CAAP1: variants seen among roughly 807,000 people sequenced by gnomAD.
CAAP1 encodes the protein conserved anti-apoptotic protein.
In CAAP1, 20 loss-of-function variants were observed where a neutral mutation model predicts 34.0. That is an observed-to-expected ratio of 0.59 (90% CI 0.41 to 0.86). The LOEUF (loss-of-function observed/expected upper bound fraction) is 0.86, where lower values mean the gene tolerates loss of function less well. Ranked by LOEUF, CAAP1 falls within the 40% of genes least tolerant of loss-of-function variation. The pLI, the probability that CAAP1 is intolerant of heterozygous loss-of-function variation, is 0.00. For synonymous variants in CAAP1, 213 were observed against 166.7 expected (o/e 1.28, Z -2.14); for missense variants, 538 against 450.5 (o/e 1.19, Z -1.76).
chr9:26,888,006 A>T (rs1823794696), intron 1 of CAAP1, among the ~76,000 whole-genome samples: 1 of 152,204 alleles, frequency 6.6e-6, no homozygotes, highest in Non-Finnish European at 1.5e-5. Context: ...AATTTCAGTA[A>T]TTTAAGATAT....
At chr9:26,862,263 G>A (rs749246631) in intron 4 of CAAP1, among the ~76,000 whole-genome samples, 1 of 152,108 alleles carries the variant, frequency 6.6e-6, no homozygotes, top group Non-Finnish European at 1.5e-5. Flanking sequence ...AAGGTTTAAA[G>A]TTAAAATGTG....
intron 4 of CAAP1, among the ~76,000 whole-genome samples, chr9:26,863,977 G>C (rs1677281152): frequency 6.6e-6 from 1 of 151,862 alleles, no homozygotes; most frequent in African/African-American, 2.4e-5. Context: ...AGTAAAGGTG[G>C]TATTTTGCCC....
chr9:26,861,031 A>T, intron 5 of CAAP1, 35 bp downstream of exon 5: 1 of 1,445,670 alleles, frequency 6.9e-7, no homozygotes, highest in African/African-American at 1.4e-5. Flanking sequence ...TTCTTCAGGT[A>T]AATTTTATAC....
intron 4 of CAAP1, among the ~76,000 whole-genome samples, chr9:26,878,636 C>T (rs748797079): frequency 6.6e-6 from 1 of 152,102 alleles, no homozygotes; most frequent in Admixed American, 6.5e-5. Context: ...CCACACAGTT[C>T]TCAGACCTCA....
chr9:26,887,547 T>C (rs1823778087), intron 1 of CAAP1, 34 bp from the exon 2 acceptor site: 3 of 1,279,204 alleles, frequency 2.3e-6, no homozygotes, highest in South Asian at 2.8e-5. Flanking sequence ...CATTAAACAA[T>C]ACTACTTAAA....
intron 4 of CAAP1, among the ~76,000 whole-genome samples, chr9:26,874,096 G>C (rs988430838): frequency 6.6e-6 from 1 of 150,616 alleles, no homozygotes; most frequent in African/African-American, 2.4e-5. Context: ...GGTCCCAGCT[G>C]CTCGGGAGGC....
intron 5 of CAAP1, among the ~76,000 whole-genome samples, chr9:26,854,413 T>C (rs1015057535): frequency 1.3e-5 from 2 of 152,200 alleles, no homozygotes; most frequent in Non-Finnish European, 2.9e-5. Flanking sequence ...AAACATTCTA[T>C]ACTATTTCCC....
chr9:26,880,840 T>C (rs1383672646), intron 4 of CAAP1, among the ~76,000 whole-genome samples: 1 of 152,152 alleles, frequency 6.6e-6, no homozygotes, highest in African/African-American at 2.4e-5. Flanking sequence ...CATGCCTGGC[T>C]AATTTTTGTA....
At chr9:26,848,394 T>C (rs1822666124) in intron 5 of CAAP1, among the ~76,000 whole-genome samples, 1 of 152,116 alleles carries the variant, frequency 6.6e-6, no homozygotes, top group African/African-American at 2.4e-5. Context: ...CAGGCACCTG[T>C]AGTCCCAGAT....
At chr9:26,861,276 T>C (rs1822998205) in intron 4 of CAAP1, 137 bp from the exon 5 acceptor site, 5 of 591,924 alleles carry the variant, frequency 8.4e-6, no homozygotes, top group Non-Finnish European at 1.5e-5. Flanking sequence ...TCATTCAGTG[T>C]ACTCTGGAAG....
At chr9:26,871,923 A>T (rs2131323653) in intron 4 of CAAP1, among the ~76,000 whole-genome samples, 1 of 150,690 alleles carries the variant, frequency 6.6e-6, no homozygotes, top group South Asian at 2.1e-4. Flanking sequence ...CAAAATAAAT[A>T]AATAAATAAA....
intron 5 of CAAP1, among the ~76,000 whole-genome samples, chr9:26,850,665 T>C (rs1048401159): frequency 6.6e-6 from 1 of 152,232 alleles, no homozygotes; most frequent in African/African-American, 2.4e-5. Context: ...ACTTAACGTA[T>C]ACTAAATTAT....
intron 1 of CAAP1, among the ~76,000 whole-genome samples, chr9:26,889,145 G>A (rs1823835311): frequency 6.6e-6 from 1 of 152,200 alleles, no homozygotes; most frequent in Non-Finnish European, 1.5e-5. Flanking sequence ...AGGCCGGCGC[G>A]GTGGCTCACG....
intron 4 of CAAP1, among the ~76,000 whole-genome samples, chr9:26,868,747 T>C (rs1227104396): frequency 2.0e-5 from 3 of 152,176 alleles, no homozygotes; most frequent in Non-Finnish European, 4.4e-5. Flanking sequence ...CAGGACAACT[T>C]ACCTACTTTC....
chr9:26,856,135 G>A (rs971246973), intron 5 of CAAP1, among the ~76,000 whole-genome samples: 1 of 151,106 alleles, frequency 6.6e-6, no homozygotes, highest in Non-Finnish European at 1.5e-5. Flanking sequence ...AAAAGGGGGG[G>A]GGTAGAATTT....
chr9:26,842,799 T>C (rs902770985), intron 5 of CAAP1, 152 bp from the exon 6 acceptor site: 8 of 596,610 alleles, frequency 1.3e-5, no homozygotes, highest in Non-Finnish European at 2.3e-5. Flanking sequence ...TCTTTTCCCC[T>C]GACTCCTCAA....
intron 1 of CAAP1, among the ~76,000 whole-genome samples, chr9:26,890,703 T>C (rs1229213311): frequency 2.6e-5 from 4 of 152,138 alleles, no homozygotes; most frequent in Admixed American, 2.0e-4. Context: ...CCCAGCACTT[T>C]GGGAGGCCGA....
intron 3 of CAAP1, among the ~76,000 whole-genome samples, chr9:26,885,126 G>T (rs1823702116): frequency 6.9e-6 from 1 of 145,454 alleles, no homozygotes; most frequent in East Asian, 2.0e-4. Flanking sequence ...ACCCCGGCTG[G>T]TGTGCAGTGG....
At chr9:26,853,380 A>C (rs1453612678) in intron 5 of CAAP1, among the ~76,000 whole-genome samples, 1 of 152,238 alleles carries the variant, frequency 6.6e-6, no homozygotes, top group Non-Finnish European at 1.5e-5. Flanking sequence ...ATTCAGGCAC[A>C]TGCTAACTTA....
Sources: allele counts gnomAD v4.1 joint callset (sites outside exome capture counted in the v4.1 genomes callset), GRCh38; gene constraint gnomAD v4.1.1; transcripts MANE v1.5; gene names NCBI Gene and HGNC (gene_info 2026-07-23, HGNC 2026-07-21).